The following CHID1 variants were observed in gnomAD, a reference collection of about 807,000 sequenced individuals.
The protein encoded by CHID1 is chitinase domain containing 1.
A neutral mutation model predicts 55.4 loss-of-function variants in CHID1; 44 were observed. The observed-to-expected ratio is 0.79, with a 90% CI of 0.62 to 1.02. The LOEUF (loss-of-function observed/expected upper bound fraction) is 1.02, where lower values mean the gene tolerates loss of function less well. CHID1 is among the 50% of genes least tolerant of loss of function. The pLI, the probability that CHID1 is intolerant of heterozygous loss-of-function variation, is 0.00. For synonymous variants in CHID1, 216 were observed against 212.9 expected, an observed-to-expected ratio of 1.01 and a Z score of -0.13; for missense variants, 491 against 515.3, an observed-to-expected ratio of 0.95 and a Z score of 0.46.
intron 10 of CHID1, 33 bp from the exon 11 acceptor site, chr11:870,532 A>T: frequency 6.7e-7 from 1 of 1,491,732 alleles, no homozygotes; most frequent in Non-Finnish European, 9.2e-7. Flanking sequence ...TTGGGAGCCC[A>T]CCCAGCTCCC....
chr11:914,417 G>C (rs973257125), upstream of CHID1: 16 of 785,138 alleles, frequency 2.0e-5, no homozygotes, highest in Admixed American at 1.7e-4. Context: ...GTGGGCATGG[G>C]GGGGACAGAG....
At chr11:912,480 T>TA (rs770448199), upstream of CHID1, among the ~76,000 whole-genome samples, 3 of 152,164 alleles carry the variant, frequency 2.0e-5, no homozygotes, top group Non-Finnish European at 2.9e-5. Flanking sequence ...TCTTGTCAGT[T>TA]GCCAGCACAA....
At chr11:889,366 G>C (rs1850638509) in intron 8 of CHID1, among the ~76,000 whole-genome samples, 1 of 152,156 alleles carries the variant, frequency 6.6e-6, no homozygotes, top group South Asian at 2.1e-4. Flanking sequence ...TGCCATCTCT[G>C]GGTGACATCT....
Position 875,960 on chromosome 11 carries a change from C to T in CHID1, c.960-5461G>A, listed in dbSNP as rs953287276. ...GACTGGCTGGTGTGGGTGGCAGGCG[C>T]CGCATTGCTTGGCGGTGCACGTGGT... On this transcript the variant is annotated intron_variant, in intron 10 of 12. Transcript: ENST00000323578. This position sits in a 1 kb window ranked among gnomAD's most constrained non-coding sequence, Gnocchi z 4.7. 6.6e-6 allele frequency among the ~76,000 whole-genome samples: 1 copy of T among 152,060 alleles called. No individual in the cohort carries two copies. The highest frequency in any genetic ancestry group is 2.4e-5 in the African/African-American group (1 of 41,402).
chr11:903,891 G>A (rs1377431751), intron 2 of CHID1: 11 of 98,910 alleles, frequency 1.1e-4, no homozygotes, highest in South Asian at 2.9e-4. Context: ...GCCTGCCACC[G>A]CCCCCGCCAA....
At chr11:888,823 C>G (rs967890774) in intron 8 of CHID1, among the ~76,000 whole-genome samples, 12 of 151,578 alleles carry the variant, frequency 7.9e-5, no homozygotes, top group Admixed American at 2.6e-4. Flanking sequence ...GGACCCCGGG[C>G]CCACACCAAT....
rs1467911898 is a variant in CHID1, at chr11:875,217, A to G, written c.960-4718T>C. Among the ~76,000 whole-genome samples the G allele has an allele frequency of 2.0e-5, 3 of 152,228 alleles. No individual in the cohort carries two copies. The highest frequency in any genetic ancestry group is 4.8e-5 in the African/African-American group (2 of 41,464). ...CTGAAACCCCAGGCCAGGTGCTCCT[A>G]TCTTCACAGGTTTCAGTTGCCTCTC... On this transcript the variant is annotated intron_variant, in intron 10 of 12. Coordinates refer to ENST00000323578, the MANE Select transcript of CHID1 (RefSeq NM_023947.4). The surrounding 1 kb of genome is among the most constrained non-coding windows in gnomAD (Gnocchi z 4.7).
intron 10 of CHID1, among the ~76,000 whole-genome samples, chr11:870,930 G>A (rs188493397): frequency 6.6e-6 from 1 of 151,928 alleles, no homozygotes; most frequent in African/African-American, 2.4e-5. Flanking sequence ...GCAGTGCCTC[G>A]TACTGGGTGG....
In CHID1 at chr11:875,826, G is replaced by A. The variant is rs897256415; in HGVS notation, c.960-5327C>T. Among the ~76,000 whole-genome samples the A allele has an allele frequency of 3.9e-5, 6 of 152,122 alleles. No homozygotes were observed. The highest frequency in any genetic ancestry group is 8.8e-5 in the Non-Finnish European group (6 of 68,040). On this transcript the variant is annotated intron_variant, in intron 10 of 12. Coordinates refer to ENST00000323578, the MANE Select transcript of CHID1 (RefSeq NM_023947.4). This position sits in a 1 kb window ranked among gnomAD's most constrained non-coding sequence, Gnocchi z 4.7. ...CTAAGATTCAATCCCTGCTGCTGCC[G>A]GCCTCCCAGACGTCCCCTGGCGGGT...
intron 1 of CHID1, among the ~76,000 whole-genome samples, chr11:910,129 G>A (rs1220408578): frequency 6.6e-6 from 1 of 152,110 alleles, no homozygotes. Context: ...AGGAGGCTAA[G>A]AGATTACTAG....
chr11:889,419 A>G (rs1246305026), intron 8 of CHID1, among the ~76,000 whole-genome samples: 1 of 152,034 alleles, frequency 6.6e-6, no homozygotes, highest in Non-Finnish European at 1.5e-5. Context: ...CGTCGGCTCC[A>G]CGTCAACCCC....
intron 1 of CHID1, among the ~76,000 whole-genome samples, chr11:906,319 A>T (rs1852212511): frequency 6.7e-6 from 1 of 150,206 alleles, no homozygotes; most frequent in Admixed American, 6.6e-5. Context: ...GCTCACTGCA[A>T]CCTCCACCTC....
intron 1 of CHID1, among the ~76,000 whole-genome samples, chr11:906,310 C>T (rs140570008): frequency 0.011 from 1,681 of 150,824 alleles, 34 homozygotes; most frequent in African/African-American, 0.039. Flanking sequence ...GCCATCTTGG[C>T]TCACTGCAAC....
At chr11:879,666 C>T (rs1849756386) in intron 10 of CHID1, among the ~76,000 whole-genome samples, 1 of 152,222 alleles carries the variant, frequency 6.6e-6, no homozygotes, top group African/African-American at 2.4e-5. Flanking sequence ...ATCTATGGTA[C>T]TTTGTTACCC....
At chr11:887,348 C>G (rs1221131729) in intron 8 of CHID1, among the ~76,000 whole-genome samples, 2 of 152,190 alleles carry the variant, frequency 1.3e-5, no homozygotes, top group Non-Finnish European at 2.9e-5. Flanking sequence ...TTCCCACCAC[C>G]GTGTTCCCAT....
At chr11:883,662 G>A (rs995406292) in intron 9 of CHID1, among the ~76,000 whole-genome samples, 1 of 152,264 alleles carries the variant, frequency 6.6e-6, no homozygotes, top group Admixed American at 6.5e-5. Flanking sequence ...CCACAGGCAG[G>A]AGTCCGCATG....
intron 8 of CHID1, among the ~76,000 whole-genome samples, chr11:893,187 A>T (rs1363403337): frequency 6.6e-6 from 1 of 152,142 alleles, no homozygotes; most frequent in Non-Finnish European, 1.5e-5. Context: ...TCCCCAACCC[A>T]GCCTGCTTCT....
intron 9 of CHID1, among the ~76,000 whole-genome samples, chr11:883,836 C>T (rs1850183450): frequency 6.6e-6 from 1 of 152,242 alleles, no homozygotes; most frequent in South Asian, 2.1e-4. Flanking sequence ...TACCTCTGGC[C>T]GTGACCCAGC....
intron 10 of CHID1, among the ~76,000 whole-genome samples, chr11:873,610 G>A (rs1849316075): frequency 6.6e-6 from 1 of 152,098 alleles, no homozygotes; most frequent in African/African-American, 2.4e-5. Context: ...AGGATGTAAG[G>A]AATAAGGACT....
Sources: allele counts gnomAD v4.1 joint callset (sites outside exome capture counted in the v4.1 genomes callset), GRCh38; gene constraint gnomAD v4.1.1; non-coding constraint Gnocchi (gnomAD v3.1); transcripts MANE v1.5; gene names NCBI Gene and HGNC (gene_info 2026-07-23, HGNC 2026-07-21).